The following CHRNA7 variants were observed in gnomAD, a reference collection of about 807,000 sequenced individuals.
The protein encoded by CHRNA7 is neuronal acetylcholine receptor subunit alpha-7.
CHRNA7 carries 17 observed loss-of-function variants against 48.0 expected under a neutral mutation model. That is an observed-to-expected ratio of 0.35 (90% confidence interval 0.24 to 0.53). The LOEUF (loss-of-function observed/expected upper bound fraction) is 0.53, where lower values mean the gene tolerates loss of function less well. Ranked by LOEUF, CHRNA7 falls within the 20% of genes least tolerant of loss-of-function variation. The probability of loss-of-function intolerance (pLI) is 0.92; values close to 1 mark genes in which losing one functional copy is unlikely to be tolerated. For synonymous variants in CHRNA7, 75 were observed against 242.3 expected, an observed-to-expected ratio of 0.31 and a Z score of 6.41; for missense variants, 155 against 577.7, an observed-to-expected ratio of 0.27 and a Z score of 7.50.
At chr15:32,121,549 C>A (rs920066991) in intron 4 of CHRNA7, among the ~76,000 whole-genome samples, 11 of 152,202 alleles carry the variant, frequency 7.2e-5, no homozygotes, top group African/African-American at 2.7e-4. Flanking sequence ...GTGCATCTTG[C>A]AGAGCAGAAG....
intron 4 of CHRNA7, among the ~76,000 whole-genome samples, chr15:32,148,492 G>A (rs73369073): frequency 0.022 from 3,403 of 152,270 alleles, 145 homozygotes; most frequent in African/African-American, 0.078. Context: ...TAGGATCAGA[G>A]GGCTCTTGTT....
chr15:32,068,901 A>T (rs926093746), intron 2 of CHRNA7, among the ~76,000 whole-genome samples: 2 of 152,232 alleles, frequency 1.3e-5, no homozygotes, highest in African/African-American at 4.8e-5. Flanking sequence ...ACAATTCAAC[A>T]AAAATAGTTG....
intron 4 of CHRNA7, among the ~76,000 whole-genome samples, chr15:32,136,821 G>A (rs2051268461): frequency 6.6e-6 from 1 of 151,568 alleles, no homozygotes; most frequent in African/African-American, 2.4e-5. Context: ...CACGAGGTCA[G>A]GAGATCGAGA....
chr15:32,080,936 C>T (rs148409807), intron 2 of CHRNA7, among the ~76,000 whole-genome samples: 1 of 152,270 alleles, frequency 6.6e-6, no homozygotes, highest in African/African-American at 2.4e-5. Flanking sequence ...GGTACATATA[C>T]ACCATGGAAT....
chr15:32,106,900 A>G (rs2050678846), intron 3 of CHRNA7, among the ~76,000 whole-genome samples: 1 of 152,128 alleles, frequency 6.6e-6, no homozygotes, highest in Non-Finnish European at 1.5e-5. Flanking sequence ...TTCTGCATTC[A>G]TCATCACTTG....
At chr15:32,070,594 A>G (rs1204220329) in intron 2 of CHRNA7, among the ~76,000 whole-genome samples, 1 of 141,656 alleles carries the variant, frequency 7.1e-6, no homozygotes, top group East Asian at 2.1e-4. Flanking sequence ...AAAGGTTTAT[A>G]GTTTAACATT....
At chr15:32,113,483 G>A (rs2050797030) in intron 4 of CHRNA7, among the ~76,000 whole-genome samples, 2 of 152,156 alleles carry the variant, frequency 1.3e-5, no homozygotes, top group Admixed American at 1.3e-4. Flanking sequence ...TGAGGGCAAA[G>A]GGTCAGGGTT....
chr15:32,107,233 A>T (rs1257969245), intron 3 of CHRNA7, among the ~76,000 whole-genome samples: 1 of 152,150 alleles, frequency 6.6e-6, no homozygotes, highest in African/African-American at 2.4e-5. Context: ...CTGGAGTTGC[A>T]TCAGATCCCA....
chr15:32,067,870 A>G (rs1162186250), intron 2 of CHRNA7, among the ~76,000 whole-genome samples: 2 of 152,228 alleles, frequency 1.3e-5, no homozygotes, highest in Non-Finnish European at 2.9e-5. Flanking sequence ...TTCCCGGGAA[A>G]AACAGCTTTA....
chr15:32,079,795 T>C (rs1319042873), intron 2 of CHRNA7, among the ~76,000 whole-genome samples: 1 of 150,304 alleles, frequency 6.7e-6, no homozygotes, highest in African/African-American at 2.4e-5. Flanking sequence ...AAAAAAAAAC[T>C]ACTTTAAAAT....
At chr15:32,127,622 C>T (rs1319634597) in intron 4 of CHRNA7, among the ~76,000 whole-genome samples, 1 of 152,024 alleles carries the variant, frequency 6.6e-6, no homozygotes, top group East Asian at 1.9e-4. Context: ...ATGTTCATGT[C>T]TGTTTGCCCG....
In CHRNA7 at chr15:32,030,532, C is replaced by T. The variant is rs930093000; in HGVS notation, c.-63C>T. 2.7e-5 allele frequency: 37 copies of T among 1,381,448 alleles called. No homozygotes were observed. The Admixed American group carries it at 3.7e-4, about 14-fold the overall frequency. The allele number at this position is 1,381,448 out of a possible 1,614,324, so 85.6% of individuals were successfully genotyped here. ...GGCGAGGTGCCTCTGTGGCCGCAGG[C>T]GCAGGCCCGGGCGACAGCCGAGACG... On this transcript the variant is annotated 5_prime_UTR_variant, in exon 1 of 10. Coordinates refer to ENST00000306901, the MANE Select transcript of CHRNA7 (RefSeq NM_000746.6).
intron 4 of CHRNA7, among the ~76,000 whole-genome samples, chr15:32,119,420 A>C (rs559269084): frequency 1.3e-5 from 2 of 152,342 alleles, no homozygotes; most frequent in African/African-American, 4.8e-5. Flanking sequence ...AGGCGGGAAC[A>C]TGCTATCCAG....
At chr15:32,144,500 T>A (rs1249646928) in intron 4 of CHRNA7, among the ~76,000 whole-genome samples, 1 of 152,250 alleles carries the variant, frequency 6.6e-6, no homozygotes, top group African/African-American at 2.4e-5. Context: ...GATAATATCC[T>A]GAAGGGTGTT....
At chr15:32,152,968 CAG>C (rs143205860) in intron 4 of CHRNA7, among the ~76,000 whole-genome samples, 142 of 152,224 alleles carry the variant, frequency 9.3e-4, no homozygotes, top group African/African-American at 3.2e-3. Context: ...GAGGCTGGAA[CAG>C]GGGACGGAGA....
chr15:32,030,618 C>G lies in CHRNA7; in HGVS notation c.24C>G (p.Val8=). 6.4e-7 allele frequency: 1 copy of G among 1,565,282 alleles called. No homozygotes were observed. Among genetic ancestry groups the G allele is most frequent in the Non-Finnish European group, 8.6e-7 (1 of 1,161,908 alleles). Reference sequence around the variant, plus strand: ...ACATGCGCTGCTCGCCGGGAGGCGTCTGGCTGGCGCTGGCCGCGTCGCTCC... The same window carrying G: ...ACATGCGCTGCTCGCCGGGAGGCGTGTGGCTGGCGCTGGCCGCGTCGCTCC... MRCSPGG[V]WLALAASLLH... is the part of the protein sequence containing the mutation. Residue 8 remains valine, a synonymous_variant, in exon 1 of 10, where the codon GTC becomes GTG. Coordinates refer to ENST00000306901, the MANE Select transcript of CHRNA7 (RefSeq NM_000746.6).
intron 4 of CHRNA7, among the ~76,000 whole-genome samples, chr15:32,122,099 C>T (rs1289769206): frequency 1.3e-5 from 2 of 152,162 alleles, no homozygotes; most frequent in Non-Finnish European, 2.9e-5. Flanking sequence ...TCCTTGGGAG[C>T]AACCAAGTTC....
chr15:32,104,381 A>G (rs76560426), intron 3 of CHRNA7, among the ~76,000 whole-genome samples: 2,074 of 151,460 alleles, frequency 0.014, 55 homozygotes, highest in African/African-American at 0.048. Flanking sequence ...CTAAAGGTCA[A>G]CTCTTCATTG....
At position 32,095,291 on chromosome 15, in the gene CHRNA7, C is replaced by G. The variant is rs2050449369; in HGVS notation, c.196-6012C>G. Among the ~76,000 whole-genome samples the G allele has an allele frequency of 2.6e-5, 4 of 152,310 alleles. 1 individual carries two copies. In the South Asian group the frequency reaches 8.3e-4, roughly 32 times the overall value. ...TCCCCATCAGCAGCTCTCAGACATC[C>G]AGGCTTCAGGACTCCGTTGCTCTCC... On this transcript the variant is annotated intron_variant, in intron 2 of 9. Coordinates refer to ENST00000306901, the MANE Select transcript of CHRNA7 (RefSeq NM_000746.6).
Sources: allele counts gnomAD v4.1 joint callset (sites outside exome capture counted in the v4.1 genomes callset), GRCh38; gene constraint gnomAD v4.1.1; transcripts MANE v1.5; gene names NCBI Gene and HGNC (gene_info 2026-07-23, HGNC 2026-07-21).